UBE3D: variants seen among roughly 807,000 people sequenced by gnomAD.
UBE3D encodes the protein ubiquitin protein ligase E3D.
In UBE3D, 48 loss-of-function variants were observed where a neutral mutation model predicts 49.6. The observed-to-expected ratio is 0.97, with a 90% CI of 0.77 to 1.23. The LOEUF is 1.23. UBE3D is among the 50% of genes most tolerant of loss of function. UBE3D has a pLI of 0.00. For synonymous variants in UBE3D, 189 were observed against 174.2 expected (o/e 1.08, Z -0.67); for missense variants, 452 against 468.4 (o/e 0.96, Z 0.32).
intron 9 of UBE3D, among the ~76,000 whole-genome samples, chr6:82,902,446 A>G (rs1434551035): frequency 6.6e-6 from 1 of 152,208 alleles, no homozygotes; most frequent in African/African-American, 2.4e-5. Context: ...CAGCAATAAA[A>G]AGCAGCCCAC....
At chr6:82,931,264 G>T (rs551888365) in intron 9 of UBE3D, among the ~76,000 whole-genome samples, 120 of 152,336 alleles carry the variant, frequency 7.9e-4, no homozygotes, top group African/African-American at 2.7e-3. Flanking sequence ...TTTGCTGCAG[G>T]GGTGGAGCCC....
intron 4 of UBE3D, among the ~76,000 whole-genome samples, chr6:83,043,247 C>T (rs2127817748): frequency 6.6e-6 from 1 of 152,218 alleles, no homozygotes; most frequent in Admixed American, 6.5e-5. Context: ...TACTACTTTT[C>T]TGCTCACAAC....
chr6:83,016,772 C>T (rs1459484368), intron 8 of UBE3D, among the ~76,000 whole-genome samples: 1 of 152,066 alleles, frequency 6.6e-6, no homozygotes, highest in East Asian at 1.9e-4. Flanking sequence ...AATAGGCCAT[C>T]TATAAGCTGA....
At chr6:83,017,946 C>CT (rs1192641659) in intron 8 of UBE3D, 3 of 151,846 alleles carry the variant, frequency 2.0e-5, no homozygotes, top group Non-Finnish European at 2.9e-5. Context: ...AAGACATGGG[C>CT]TTTTTTTAAG....
At chr6:82,995,510 A>ACACACG (rs1554199395) in intron 8 of UBE3D, among the ~76,000 whole-genome samples, 2,040 of 151,646 alleles carry the variant, frequency 0.013, 22 homozygotes, top group Admixed American at 0.019. Flanking sequence ...ACACACACAC[A>ACACACG]CACACAGTCA....
chr6:82,952,647 C>G (rs1195953352), intron 9 of UBE3D, among the ~76,000 whole-genome samples: 1 of 152,058 alleles, frequency 6.6e-6, no homozygotes. Context: ...TGGACCTGAA[C>G]TCCTAGGCTC....
Position 83,065,669 on chromosome 6 carries a change from T to C in UBE3D, c.50A>G (p.Gln17Arg), listed in dbSNP as rs1405998601. The part of the protein sequence containing the change: ...ETRVFLEVRG[Q>R]LQSALLILGE... ...CAGGATCAGAAGCGCGCTCTGCAGCTGTCCCCGCACCTCCAGAAACACGCG... is the reference window on the plus strand; with the variant it reads ...CAGGATCAGAAGCGCGCTCTGCAGCCGTCCCCGCACCTCCAGAAACACGCG... Residue 17 changes from glutamine to arginine, a missense_variant, in exon 1 of 10, where the codon CAG (glutamine) becomes CGG (arginine). Gln to Arg is a conservative substitution (Grantham distance 43). Transcript: ENST00000369747. 2 of 1,613,732 alleles carry C rather than the reference T, an allele frequency of 1.2e-6. No homozygotes were observed. Among genetic ancestry groups the C allele is most frequent in the Non-Finnish European group, 1.7e-6 (2 of 1,179,886 alleles).
Position 82,921,744 on chromosome 6 carries a change from A to G in UBE3D, c.1150-28702T>C, listed in dbSNP as rs185379776. Among the ~76,000 whole-genome samples the G allele has an allele frequency of 7.5e-4, 114 of 152,264 alleles. 1 individual carries two copies. The highest frequency in any genetic ancestry group is 3.4e-3 in the Middle Eastern group (1 of 294). On this transcript the variant is annotated intron_variant, in intron 9 of 9. Coordinates refer to ENST00000369747, the MANE Select transcript of UBE3D (RefSeq NM_198920.3). ...CACTAACAGTCCTCTATGCAGGAACATATTTTCATCCAGGCCTTGAAGAAC... is the reference window on the plus strand; with the variant it reads ...CACTAACAGTCCTCTATGCAGGAACGTATTTTCATCCAGGCCTTGAAGAAC...
chr6:82,922,604 C>T (rs191765316), intron 9 of UBE3D, among the ~76,000 whole-genome samples: 2 of 151,788 alleles, frequency 1.3e-5, no homozygotes, highest in Non-Finnish European at 2.9e-5. Context: ...AAGACTTAAA[C>T]ATAAGACCTA....
intron 8 of UBE3D, among the ~76,000 whole-genome samples, chr6:82,962,762 T>C (rs1223984589): frequency 6.6e-6 from 1 of 152,198 alleles, no homozygotes; most frequent in African/African-American, 2.4e-5. Flanking sequence ...TCCCATTCTT[T>C]TTAATATTCC....
At chr6:82,950,932 T>C (rs1471752369) in intron 9 of UBE3D, among the ~76,000 whole-genome samples, 7 of 148,696 alleles carry the variant, frequency 4.7e-5, no homozygotes, top group Non-Finnish European at 7.4e-5. Context: ...AGACAGAGAG[T>C]AGAAAGATGG....
intron 5 of UBE3D, among the ~76,000 whole-genome samples, chr6:83,028,535 T>C (rs1363752767): frequency 6.6e-6 from 1 of 152,128 alleles, no homozygotes; most frequent in Non-Finnish European, 1.5e-5. Context: ...TAGCGTCTCC[T>C]ATTTTTGTGA....
intron 9 of UBE3D, among the ~76,000 whole-genome samples, chr6:82,945,059 C>T (rs1258531423): frequency 1.3e-5 from 2 of 152,358 alleles, no homozygotes; most frequent in Admixed American, 1.3e-4. Flanking sequence ...AAGGGAAGAA[C>T]ACAAGGCTGC....
chr6:82,893,169 G>T (rs570782389), intron 9 of UBE3D, 127 bp from the exon 10 acceptor site: 19 of 1,042,570 alleles, frequency 1.8e-5, no homozygotes, highest in Non-Finnish European at 2.6e-5. Flanking sequence ...ACAGAAAAAT[G>T]ACTCTTAGTG....
At chr6:83,008,237 C>T (rs1176419937) in intron 8 of UBE3D, among the ~76,000 whole-genome samples, 2 of 152,136 alleles carry the variant, frequency 1.3e-5, no homozygotes, top group East Asian at 3.9e-4. Context: ...TGTCTCCAGA[C>T]ATTGCCAAAT....
intron 8 of UBE3D, among the ~76,000 whole-genome samples, chr6:82,984,317 GATTC>G (rs1206101589): frequency 6.6e-6 from 1 of 152,088 alleles, no homozygotes; most frequent in Non-Finnish European, 1.5e-5. Context: ...TGGGTTGTTT[GATTC>G]ATTCATTCAC....
chr6:82,955,924 T>G (rs796194170), intron 9 of UBE3D, among the ~76,000 whole-genome samples: 1 of 152,140 alleles, frequency 6.6e-6, no homozygotes, highest in African/African-American at 2.4e-5. Flanking sequence ...AGGATTGGAG[T>G]TGACCAATGG....
chr6:82,905,810 T>C (rs750352318), intron 9 of UBE3D, among the ~76,000 whole-genome samples: 7 of 152,198 alleles, frequency 4.6e-5, no homozygotes, highest in Non-Finnish European at 7.4e-5. Context: ...ATCTGTAGTG[T>C]ACTTAACTGG....
intron 9 of UBE3D, among the ~76,000 whole-genome samples, chr6:82,927,288 T>C (rs2127741144): frequency 6.6e-6 from 1 of 151,598 alleles, no homozygotes; most frequent in Middle Eastern, 3.4e-3. Flanking sequence ...TAAAGTAGGG[T>C]AGTGTCAGTC....
Sources: gnomAD v4.1 joint callset for allele counts (sites outside exome capture counted in the v4.1 genomes callset) on GRCh38, gnomAD v4.1.1 for gene constraint, MANE v1.5 for transcripts, NCBI Gene and HGNC (gene_info 2026-07-23, HGNC 2026-07-21) for gene names.